Variants in EXOSC9 observed in about 807,000 individuals in gnomAD.
The protein encoded by EXOSC9 is exosome component 9.
Under a neutral mutation model 56.5 loss-of-function variants are expected in EXOSC9, and 38 were observed. The observed-to-expected ratio is 0.67, with a 90% CI of 0.52 to 0.88. The LOEUF (loss-of-function observed/expected upper bound fraction) is 0.88. EXOSC9 is among the 40% of genes least tolerant of loss of function. EXOSC9 has a pLI of 0.00. For missense variants in EXOSC9, 559 were observed against 530.5 expected (o/e 1.05, Z -0.53); for synonymous variants, 170 against 170.8 (o/e 0.99, Z 0.04).
chr4:121,809,515 G>A (rs1446435912), intron 6 of EXOSC9, among the ~76,000 whole-genome samples: 1 of 152,080 alleles, frequency 6.6e-6, no homozygotes, highest in Non-Finnish European at 1.5e-5. Flanking sequence ...AGTAACCACA[G>A]GTGACTATTG....
At chr4:121,816,252 C>A in intron 10 of EXOSC9, 117 bp from the exon 11 acceptor site, 1 of 668,384 alleles carries the variant, frequency 1.5e-6, no homozygotes, top group Non-Finnish European at 2.4e-6. Flanking sequence ...AGCCACCACG[C>A]CCAGCCCCAG....
In EXOSC9 at chr4:121,802,746, T is replaced by TA. The variant is rs1185644156; in HGVS notation, c.236dup (p.Asn79LysfsTer3). The TA allele has an allele frequency of 1.9e-6, 3 of 1,614,164 alleles. No homozygotes were observed. The South Asian group carries it at 3.3e-5, about 18-fold the overall frequency. ...GGGCAACAGAAGGTATTCTTTTTTT[T>TA]AACCTTGAACTCTCTCAGATGGCCG... On this transcript the variant is annotated frameshift_variant, in exon 3 of 12. Transcript: ENST00000243498. LOFTEE classifies it high-confidence loss of function.
intron 5 of EXOSC9, among the ~76,000 whole-genome samples, chr4:121,806,152 AT>A (rs57522518): frequency 0.31 from 44,831 of 145,400 alleles, 8,126 homozygotes; most frequent in East Asian, 0.45. Context: ...TGACCTTGTA[AT>A]TTTTTTTTTT....
intron 10 of EXOSC9, chr4:121,815,084 A>AGGT (rs2149039897): frequency 6.6e-6 from 1 of 152,422 alleles, no homozygotes; most frequent in African/African-American, 2.4e-5. Flanking sequence ...TTAAGTAAAT[A>AGGT]GGTAAGGAAA....
rs1724330580 is a variant in EXOSC9 at position 121,813,419 on chromosome 4, T to C, written c.974+39T>C. On this transcript the variant is annotated intron_variant, in intron 9 of 11. Transcript: ENST00000243498. ...GTGGTTTTTGCAGTAACAAGATTCA[T>C]AACACTTGGCATTATAATATTAGGC... The C allele has an allele frequency of 5.7e-6, 9 of 1,575,506 alleles. No individual in the cohort carries two copies. The East Asian group carries it at 1.8e-4, about 31-fold the overall frequency.
At chr4:121,809,695 A>G (rs1727148821) in intron 6 of EXOSC9, 3 of 434,490 alleles carry the variant, frequency 6.9e-6, no homozygotes, top group East Asian at 9.3e-5. Flanking sequence ...AAGAGATAGC[A>G]TTAGGTTTAG....
chr4:121,806,844 C>G (rs573788991), intron 5 of EXOSC9, among the ~76,000 whole-genome samples: 54 of 151,966 alleles, frequency 3.6e-4, no homozygotes, highest in African/African-American at 1.3e-3. Flanking sequence ...TTCCTTGGGG[C>G]TAGGGTGGGA....
intron 7 of EXOSC9, 75 bp downstream of exon 7, chr4:121,810,174 A>T: frequency 7.7e-7 from 1 of 1,293,728 alleles, no homozygotes; most frequent in South Asian, 1.2e-5. Context: ...TTTTAACAAA[A>T]ATCCAATGGG....
At position 121,816,723 on chromosome 4, in the gene EXOSC9, C is replaced by A. The variant is rs754938060; in HGVS notation, c.1236-49C>A. On this transcript the variant is annotated intron_variant, in intron 11 of 11. Coordinates refer to ENST00000243498, the MANE Select transcript of EXOSC9 (RefSeq NM_005033.3). ...AAGAAATGCCTCTTATTTCAATAAT[C>A]CAAAACTTAACATACTCTTAGTAAA... 3.3e-6 allele frequency: 5 copies of A among 1,508,848 alleles called. No individual in the cohort carries two copies. In the South Asian group the frequency reaches 5.3e-5, roughly 16 times the overall value. The allele number at this position is 1,508,848 out of a possible 1,614,324, so 93.5% of individuals were successfully genotyped here.
chr4:121,811,846 A>C (rs1727221985), intron 8 of EXOSC9, among the ~76,000 whole-genome samples, 175 bp downstream of exon 8: 1 of 152,218 alleles, frequency 6.6e-6, no homozygotes, highest in South Asian at 2.1e-4. Flanking sequence ...TGGTATAGTT[A>C]TGTTACCCAA....
intron 10 of EXOSC9, 83 bp downstream of exon 10, chr4:121,814,130 G>A (rs1724383590): frequency 2.4e-6 from 2 of 821,654 alleles, no homozygotes; most frequent in South Asian, 1.8e-5. Flanking sequence ...TGCATAAAAT[G>A]TGTGTATATT....
chr4:121,814,215 G>T, intron 10 of EXOSC9, 168 bp downstream of exon 10: 1 of 452,114 alleles, frequency 2.2e-6, no homozygotes, highest in Admixed American at 3.4e-5. Context: ...TAACATACAG[G>T]ATACTATATA....
At chr4:121,815,426 G>C in intron 10 of EXOSC9, 5 of 985,092 alleles carry the variant, frequency 5.1e-6, no homozygotes, top group Non-Finnish European at 6.0e-6. Context: ...AAATGGAGCA[G>C]GTACAGCCTT....
At chr4:121,813,200 C>G (rs773357888) in intron 8 of EXOSC9, 34 bp from the exon 9 acceptor site, 17 of 1,584,362 alleles carry the variant, frequency 1.1e-5, no homozygotes, top group Non-Finnish European at 1.3e-5. Flanking sequence ...CCTTCCTCCC[C>G]CTTCCTTCCC....
At chr4:121,804,146 G>A (rs550287157) in intron 4 of EXOSC9, among the ~76,000 whole-genome samples, 4 of 151,280 alleles carry the variant, frequency 2.6e-5, no homozygotes, top group East Asian at 1.9e-4. Flanking sequence ...GACTATAGGC[G>A]CGTGCCACTC....
chr4:121,809,808 T>C, intron 6 of EXOSC9, 159 bp from the exon 7 acceptor site: 2 of 682,526 alleles, frequency 2.9e-6, no homozygotes, highest in Non-Finnish European at 5.1e-6. Context: ...AACACAATAA[T>C]TTTCTTGTCT....
chr4:121,815,735 T>C, intron 10 of EXOSC9: 1 of 988,848 alleles, frequency 1.0e-6, no homozygotes, highest in Non-Finnish European at 1.2e-6. Context: ...CTTTTATTTC[T>C]TGGAATGTAA....
At position 121,817,002 on chromosome 4, in the gene EXOSC9, A is replaced by ATAAT. The variant is rs1443907225; in HGVS notation, c.*147_*150dup. The ATAAT allele has an allele frequency of 6.4e-6, 5 of 780,202 alleles. No homozygotes were observed. Among genetic ancestry groups the ATAAT allele is most frequent in the African/African-American group, 5.4e-5 (3 of 55,492 alleles). The allele number at this position is 780,202 out of a possible 1,614,324, so 48.3% of individuals were successfully genotyped here. On this transcript the variant is annotated 3_prime_UTR_variant, in exon 12 of 12. Transcript: ENST00000243498. Reference sequence around the variant, plus strand: ...TTTTTTGTTTTTAATGTGCTTTAAAATAATAAACCTTCTGGAGCATTTCTC... The same window carrying ATAAT: ...TTTTTTGTTTTTAATGTGCTTTAAAATAATTAATAAACCTTCTGGAGCATTTCTC...
intron 6 of EXOSC9, among the ~76,000 whole-genome samples, chr4:121,809,152 T>A (rs574015650): frequency 2.0e-5 from 3 of 151,626 alleles, no homozygotes; most frequent in South Asian, 4.2e-4. Context: ...CCAGCTAATT[T>A]AAAAAAATTT....
Sources: allele counts gnomAD v4.1 joint callset (sites outside exome capture counted in the v4.1 genomes callset), GRCh38; gene constraint gnomAD v4.1.1; transcripts MANE v1.5; gene names NCBI Gene and HGNC (gene_info 2026-07-23, HGNC 2026-07-21).